Variants in TNS3 observed in about 807,000 individuals in gnomAD.
TNS3 encodes tensin-3.
TNS3 carries 45 observed loss-of-function variants against 140.9 expected under a neutral mutation model. The observed-to-expected ratio is 0.32, with a 90% confidence interval of 0.25 to 0.41. TNS3 has a LOEUF of 0.41. TNS3 is among the 10% of genes least tolerant of loss of function. The probability of loss-of-function intolerance (pLI) is 1.00; values close to 1 mark genes in which losing one functional copy is unlikely to be tolerated. For missense variants in TNS3, 1,716 were observed against 1,906.7 expected, an observed-to-expected ratio of 0.90 and a Z score of 1.86; for synonymous variants, 815 against 788.4, an observed-to-expected ratio of 1.03 and a Z score of -0.56.
chr7:47,508,304 A>T (rs1798490864), intron 2 of TNS3, among the ~76,000 whole-genome samples: 1 of 152,210 alleles, frequency 6.6e-6, no homozygotes, highest in African/African-American at 2.4e-5. Flanking sequence ...CTGAATTGTC[A>T]TTCTATACCT....
rs778404700 is a variant in TNS3, at chr7:47,303,081, C to T, written c.3326G>A (p.Arg1109His). 1.7e-5 allele frequency: 27 copies of T among 1,614,070 alleles called. No homozygotes were observed. Among genetic ancestry groups the T allele is most frequent in the East Asian group, 1.1e-4 (5 of 44,896 alleles). Residue 1109 changes from arginine to histidine, a missense_variant, in exon 22 of 31, where the codon CGT becomes CAT. Transcript: ENST00000311160. Reference sequence around the variant, plus strand: ...GGAGGGAGAGACTGAGCCCAAAGAACGATCCCCCTCCGAGGCCCGCTTCTT... The same window carrying T: ...GGAGGGAGAGACTGAGCCCAAAGAATGATCCCCCTCCGAGGCCCGCTTCTT... ...PEKKRASEGD[R>H]SLGSVSPSSS...
In TNS3 at chr7:47,297,073, T is replaced by C. The variant is rs778704584; in HGVS notation, c.3676+9A>G. 3.1e-6 allele frequency: 5 copies of C among 1,614,120 alleles called. No homozygotes were observed. The highest frequency in any genetic ancestry group is 1.1e-5 in the South Asian group (1 of 91,086). On this transcript the variant is annotated intron_variant, in intron 24 of 30. Coordinates refer to ENST00000311160, the MANE Select transcript of TNS3 (RefSeq NM_022748.12). The stretch of plus-strand genomic sequence containing the variant: ...AGCTGAACAGATCAATAGGGAGCAG[T>C]AACCTTACCTTTCTTGTTCAGCTGC...
intron 20 of TNS3, among the ~76,000 whole-genome samples, chr7:47,319,103 T>G (rs1345649348): frequency 6.6e-6 from 1 of 152,224 alleles, no homozygotes; most frequent in Admixed American, 6.5e-5. Flanking sequence ...AGGATCATCA[T>G]TTTGTCCTAC....
intron 23 of TNS3, among the ~76,000 whole-genome samples, chr7:47,297,889 C>A (rs551011584): frequency 6.7e-6 from 1 of 149,972 alleles, no homozygotes; most frequent in Non-Finnish European, 1.5e-5. Context: ...TGGGTTCAAG[C>A]GATTCTCCTG....
chr7:47,491,295 T>A (rs6947086), intron 3 of TNS3, among the ~76,000 whole-genome samples: 10,614 of 152,296 alleles, frequency 0.07, 1,178 homozygotes, highest in African/African-American at 0.23. Flanking sequence ...CCAGAGTGAC[T>A]GGACAGAACC....
At chr7:47,539,130 C>G in intron 1 of TNS3, 1 of 456,660 alleles carries the variant, frequency 2.2e-6, no homozygotes, top group Admixed American at 2.3e-5. Context: ...GAACAGATAG[C>G]CCCCAGCAGG....
intron 3 of TNS3, among the ~76,000 whole-genome samples, chr7:47,499,710 G>GGA (rs1322876780): frequency 6.6e-6 from 1 of 152,210 alleles, no homozygotes; most frequent in Non-Finnish European, 1.5e-5. Context: ...CCGGGGTGCA[G>GGA]GAGAGAGAAG....
At position 47,418,106 on chromosome 7, in the gene TNS3, TG is replaced by T. The variant is rs535109388; in HGVS notation, c.474-2901del. The stretch of plus-strand genomic sequence containing the variant: ...GAGTTTGAGACCAGCCTAGCCAACA[TG>T]CTGAAATCCTGTCTCTACAAAAAAT... On this transcript the variant is annotated intron_variant, in intron 10 of 30. Transcript: ENST00000311160. Among the ~76,000 whole-genome samples, 422 of 152,342 alleles carry T rather than the reference TG, an allele frequency of 2.8e-3. 1 individual carries two copies. The highest frequency in any genetic ancestry group is 9.6e-3 in the African/African-American group (398 of 41,572).
chr7:47,480,802 T>A (rs1409860305), intron 4 of TNS3, among the ~76,000 whole-genome samples: 1 of 152,216 alleles, frequency 6.6e-6, no homozygotes, highest in Non-Finnish European at 1.5e-5. Context: ...TTGTGCTGTC[T>A]TCACTTTATA....
At chr7:47,329,150 C>A (rs1788194400) in intron 20 of TNS3, among the ~76,000 whole-genome samples, 1 of 152,134 alleles carries the variant, frequency 6.6e-6, no homozygotes, top group African/African-American at 2.4e-5. Context: ...AACATAGGGG[C>A]CTGTCATGTG....
chr7:47,329,684 CG>C (rs567473227), intron 20 of TNS3, among the ~76,000 whole-genome samples: 31 of 152,256 alleles, frequency 2.0e-4, no homozygotes, highest in African/African-American at 7.2e-4. Flanking sequence ...GCAGGCTCAG[CG>C]GAAGCGGATG....
chr7:47,453,355 C>CCT (rs1190042815), intron 4 of TNS3: 2 of 678,572 alleles, frequency 2.9e-6, no homozygotes, highest in African/African-American at 3.9e-5. Flanking sequence ...GGGAGAACCG[C>CCT]CTCTCAAAAG....
intron 20 of TNS3, among the ~76,000 whole-genome samples, chr7:47,316,775 C>G (rs1242174350): frequency 8.4e-6 from 1 of 118,494 alleles, no homozygotes; most frequent in Admixed American, 9.4e-5. Context: ...GAGACTCCAT[C>G]TCAAAAAAAA....
chr7:47,349,827 A>G (rs1275464612), intron 17 of TNS3, among the ~76,000 whole-genome samples: 1 of 152,264 alleles, frequency 6.6e-6, no homozygotes, highest in Non-Finnish European at 1.5e-5. Context: ...TACAAAAGAA[A>G]GAAAAACAGG....
At chr7:47,486,089 T>G (rs1464164579) in intron 3 of TNS3, among the ~76,000 whole-genome samples, 2 of 151,816 alleles carry the variant, frequency 1.3e-5, no homozygotes, top group Admixed American at 1.3e-4. Flanking sequence ...AGTGACTACA[T>G]GTGGTGGTGT....
intron 16 of TNS3, among the ~76,000 whole-genome samples, chr7:47,391,530 G>C (rs551283969): frequency 6.6e-6 from 1 of 152,324 alleles, no homozygotes. Context: ...AGGCTTATGA[G>C]AGCAAGTAGA....
chr7:47,581,365 G>GA (rs1204135774), intron 1 of TNS3: 1 of 150,248 alleles, frequency 6.7e-6, no homozygotes, highest in African/African-American at 2.5e-5. Flanking sequence ...GTCCTTCAGG[G>GA]AAAAAAAGGA....
chr7:47,579,307 C>CG (rs11461944), intron 1 of TNS3: 147,614 of 151,918 alleles, frequency 0.97, 71,857 homozygotes, highest in East Asian at 1. Flanking sequence ...AGGAAGGACC[C>CG]GGGGTCCCAG....
chr7:47,282,085 C>T (rs1785175063), intron 28 of TNS3, among the ~76,000 whole-genome samples: 1 of 152,032 alleles, frequency 6.6e-6, no homozygotes, highest in Non-Finnish European at 1.5e-5. Flanking sequence ...TGTAGCTCCG[C>T]TATGCCCCTG....
Sources: gnomAD v4.1 joint callset for allele counts (sites outside exome capture counted in the v4.1 genomes callset) on GRCh38, gnomAD v4.1.1 for gene constraint, MANE v1.5 for transcripts, NCBI Gene and HGNC (gene_info 2026-07-23, HGNC 2026-07-21) for gene names.